IAPP: variants seen among roughly 807,000 people sequenced by gnomAD.
The protein encoded by IAPP is islet amyloid polypeptide.
Under a neutral mutation model 2.9 loss-of-function variants are expected in IAPP, and 4 were observed. The observed-to-expected ratio is 1.39, with a 90% CI of 0.69 to 3.19. The LOEUF (loss-of-function observed/expected upper bound fraction) is 3.19. Among genes scored for constraint, IAPP ranks in the 30% most tolerant of loss-of-function variants. The probability of loss-of-function intolerance (pLI) is 0.01; values close to 1 mark genes in which losing one functional copy is unlikely to be tolerated. For synonymous variants in IAPP, 40 were observed against 42.1 expected, an observed-to-expected ratio of 0.95 and a Z score of 0.19; for missense variants, 114 against 105.3, an observed-to-expected ratio of 1.08 and a Z score of -0.36.
chr12:21,363,040 C>A lies in IAPP; in HGVS notation c.-16+8027C>A, dbSNP rs550233362. On this transcript the variant is annotated intron_variant, in intron 1 of 2. Coordinates refer to the IAPP transcript ENST00000539393. ...GAATTAAACTCAGCTCTGCACCAAG[C>A]GGACCTAATAGACATCTACAGAACT... Among the ~76,000 whole-genome samples the A allele has an allele frequency of 5.3e-5, 8 of 152,248 alleles. No homozygotes were observed. The East Asian group carries it at 1.3e-3, about 26-fold the overall frequency.
In IAPP at chr12:21,360,290, T is replaced by C. The variant is rs539847958; in HGVS notation, c.-16+5277T>C. Among the ~76,000 whole-genome samples the C allele has an allele frequency of 8.5e-5, 13 of 152,324 alleles. No homozygotes were observed. The South Asian group carries it at 2.7e-3, about 32-fold the overall frequency. On this transcript the variant is annotated intron_variant, in intron 1 of 2. Coordinates refer to the IAPP transcript ENST00000539393. ...CCAAAACCAGTCAAATTATACATTT[T>C]AAATATGTGCAGTTTATTGAATTTT...
chr12:21,373,426 T>G lies in IAPP; in HGVS notation c.75T>G (p.Ile25Met). Residue 25 changes from isoleucine (I) to methionine (M), a missense_variant, in exon 2 of 3, where the codon ATT (isoleucine) becomes ATG (methionine). Coordinates refer to ENST00000240652, the MANE Select transcript of IAPP (RefSeq NM_000415.3). ...TGAACCATCTGAAAGCTACACCCAT[T>G]GAAAGGTTGGTAACTTTAAAATCCT... ...VALNHLKATP[I>M]ESHQVEKRKC... The G allele has an allele frequency of 6.8e-6, 11 of 1,610,086 alleles. No homozygotes were observed. Among genetic ancestry groups the G allele is most frequent in the Non-Finnish European group, 8.5e-6 (10 of 1,176,444 alleles).
At chr12:21,357,139 T>C (rs1938431590) in intron 1 of IAPP, among the ~76,000 whole-genome samples, 1 of 152,134 alleles carries the variant, frequency 6.6e-6, no homozygotes, top group Non-Finnish European at 1.5e-5. Context: ...GCAAAATGCA[T>C]CTGTTGAAGT....
chr12:21,362,957 C>A (rs1287368783), intron 1 of IAPP, among the ~76,000 whole-genome samples: 2 of 152,184 alleles, frequency 1.3e-5, no homozygotes, highest in Admixed American at 6.5e-5. Context: ...GAGACATTAA[C>A]ACCCCACTGT....
chr12:21,363,061 G>A (rs566649351), intron 1 of IAPP, among the ~76,000 whole-genome samples: 171 of 152,306 alleles, frequency 1.1e-3, no homozygotes, highest in African/African-American at 4.0e-3. Context: ...GACATCTACA[G>A]AACTCTCCAC....
chr12:21,367,531 G>T (rs1394182825), intron 1 of IAPP, among the ~76,000 whole-genome samples: 2 of 151,948 alleles, frequency 1.3e-5, no homozygotes, highest in Non-Finnish European at 2.9e-5. Context: ...ATGAAGAGTG[G>T]TCATATCATA....
intron 2 of IAPP, among the ~76,000 whole-genome samples, chr12:21,373,972 C>T (rs1165636297): frequency 2.6e-5 from 4 of 151,984 alleles, no homozygotes; most frequent in African/African-American, 7.2e-5. Context: ...GTTAAAAAGC[C>T]ATTTGCTGTT....
intron 1 of IAPP, among the ~76,000 whole-genome samples, chr12:21,358,199 T>C (rs1176311611): frequency 1.3e-5 from 2 of 152,250 alleles, no homozygotes; most frequent in Non-Finnish European, 2.9e-5. Flanking sequence ...AACTCTAGAT[T>C]GTTCTCTGGC....
rs1323491284 is a variant in IAPP at position 21,379,293 on chromosome 12, T to C, written c.*867T>C. The C allele has an allele frequency of 6.6e-6, 1 of 152,214 alleles. No homozygotes were observed. Among genetic ancestry groups the C allele is most frequent in the African/African-American group, 2.4e-5 (1 of 41,452 alleles). The allele number at this position is 152,214 out of a possible 1,614,324, so 9.4% of individuals were successfully genotyped here. ...CTGGTACTAAGAGGCTATTTAAAAG[T>C]ATAAAACTGCTTTGTATCCATGAGG... On this transcript the variant is annotated 3_prime_UTR_variant, in exon 3 of 3. Coordinates refer to ENST00000240652, the MANE Select transcript of IAPP (RefSeq NM_000415.3).
upstream of IAPP, among the ~76,000 whole-genome samples, chr12:21,369,141 G>T (rs1207437738): frequency 6.6e-6 from 1 of 152,076 alleles, no homozygotes; most frequent in Non-Finnish European, 1.5e-5. Context: ...TTTTTAAAAT[G>T]ATATATAAAA....
At chr12:21,357,319 A>C (rs1262727018) in intron 1 of IAPP, among the ~76,000 whole-genome samples, 1 of 152,212 alleles carries the variant, frequency 6.6e-6, no homozygotes, top group East Asian at 1.9e-4. Flanking sequence ...ATAATGCCTC[A>C]TGGGAATGAA....
At chr12:21,359,442 C>G (rs1565514714) in intron 1 of IAPP, among the ~76,000 whole-genome samples, 1 of 152,004 alleles carries the variant, frequency 6.6e-6, no homozygotes, top group Non-Finnish European at 1.5e-5. Flanking sequence ...GCTAAAAGAA[C>G]CACAAATACT....
upstream of IAPP, among the ~76,000 whole-genome samples, chr12:21,368,886 C>G (rs1436055471): frequency 6.6e-6 from 1 of 152,008 alleles, no homozygotes; most frequent in African/African-American, 2.4e-5. Context: ...GAATCTTCTT[C>G]TTCTAATATG....
At position 21,365,594 on chromosome 12, in the gene IAPP, A is replaced by T. The variant is rs551492258; in HGVS notation, c.-15-7743A>T. 3.9e-5 allele frequency among the ~76,000 whole-genome samples: 6 copies of T among 152,342 alleles called. 2 individuals carry two copies. The highest frequency in any genetic ancestry group is 1.4e-4 in the African/African-American group (6 of 41,574). On this transcript the variant is annotated intron_variant, in intron 1 of 2. Coordinates refer to the IAPP transcript ENST00000539393. ...CTTCTGCACATCAAAAGAAACTACC[A>T]TCAGAGTGAACAGGCAACCTACAGA...
chr12:21,364,793 A>C (rs1330881779), intron 1 of IAPP, among the ~76,000 whole-genome samples: 1 of 152,210 alleles, frequency 6.6e-6, no homozygotes, highest in Non-Finnish European at 1.5e-5. Context: ...AACTCCATTC[A>C]CAGTTGCTTC....
At chr12:21,358,835 G>T (rs1232326044) in intron 1 of IAPP, among the ~76,000 whole-genome samples, 1 of 152,102 alleles carries the variant, frequency 6.6e-6, no homozygotes, top group Non-Finnish European at 1.5e-5. Flanking sequence ...GCCACAAAGA[G>T]ATTCCTGAAG....
chr12:21,359,912 C>A (rs1039462689), intron 1 of IAPP, among the ~76,000 whole-genome samples: 5 of 152,022 alleles, frequency 3.3e-5, no homozygotes, highest in Admixed American at 3.3e-4. Context: ...AACAAAATGG[C>A]TAAACATTTT....
intron 1 of IAPP, among the ~76,000 whole-genome samples, chr12:21,366,603 A>G (rs1319956311): frequency 2.6e-5 from 4 of 152,102 alleles, no homozygotes; most frequent in African/African-American, 9.6e-5. Flanking sequence ...AACAAAAGGG[A>G]TCTGAAGGAA....
At chr12:21,375,372 C>T (rs1337949389) in intron 2 of IAPP, among the ~76,000 whole-genome samples, 1 of 152,124 alleles carries the variant, frequency 6.6e-6, no homozygotes, top group East Asian at 1.9e-4. Context: ...TACTATTCTA[C>T]ATATCTCACA....
Sources: gnomAD v4.1 joint callset for allele counts (sites outside exome capture counted in the v4.1 genomes callset) on GRCh38, gnomAD v4.1.1 for gene constraint, MANE v1.5 for transcripts, NCBI Gene and HGNC (gene_info 2026-07-23, HGNC 2026-07-21) for gene names.